Variants in DIS3L2 observed in about 807,000 individuals in gnomAD.
The protein encoded by DIS3L2 is DIS3 like 3'-5' exoribonuclease 2.
Under a neutral mutation model 97.5 loss-of-function variants are expected in DIS3L2, and 34 were observed. The ratio of observed to expected loss-of-function variants is 0.35; its 90% CI spans 0.27 to 0.46. The LOEUF (loss-of-function observed/expected upper bound fraction) is 0.46. Ranked by LOEUF, DIS3L2 falls within the 20% of genes least tolerant of loss-of-function variation. The pLI, the probability that DIS3L2 is intolerant of heterozygous loss-of-function variation, is 1.00. For synonymous variants in DIS3L2, 435 were observed against 445.2 expected, an observed-to-expected ratio of 0.98 and a Z score of 0.29; for missense variants, 1,038 against 1,146.0, an observed-to-expected ratio of 0.91 and a Z score of 1.36.
At chr2:232,100,630 GTTAT>G (rs1239897538) in intron 6 of DIS3L2, among the ~76,000 whole-genome samples, 3 of 151,506 alleles carry the variant, frequency 2.0e-5, no homozygotes, top group Non-Finnish European at 4.4e-5. Flanking sequence ...TTGTAACTAG[GTTAT>G]TTATTAAGGC....
chr2:232,140,817 T>G (rs957805734), intron 8 of DIS3L2, among the ~76,000 whole-genome samples: 11 of 152,300 alleles, frequency 7.2e-5, no homozygotes, highest in African/African-American at 2.4e-4. Flanking sequence ...TAAAGTTATT[T>G]TCTATCTTGT....
chr2:232,159,581 G>A (rs530664334), intron 8 of DIS3L2, among the ~76,000 whole-genome samples: 4 of 152,286 alleles, frequency 2.6e-5, no homozygotes, highest in Admixed American at 2.0e-4. Context: ...TATAGGCAAC[G>A]TGCAATTCTT....
chr2:232,047,416 A>T (rs1305606927), intron 5 of DIS3L2, among the ~76,000 whole-genome samples: 1 of 152,214 alleles, frequency 6.6e-6, no homozygotes, highest in African/African-American at 2.4e-5. Context: ...TATCAGAAAG[A>T]TGAACTGTTT....
chr2:232,334,419 G>T lies in DIS3L2; in HGVS notation c.2209G>T (p.Asp737Tyr), dbSNP rs1298472941. The T allele has an allele frequency of 1.5e-5, 25 of 1,613,692 alleles. No homozygotes were observed. Among genetic ancestry groups the T allele is most frequent in the Non-Finnish European group, 1.9e-5 (23 of 1,180,016 alleles). The stretch of plus-strand genomic sequence containing the variant: ...GCCCGATACCCTGCAGAAACAGGCG[G>T]ACCACTGTAACGACCGCCGCATGGC... ...MAPDTLQKQADHCNDRRMASK... is the reference protein window; with the variant it reads ...MAPDTLQKQAYHCNDRRMASK... Residue 737 changes from aspartate to tyrosine, a missense_variant, in exon 18 of 21, where the codon GAC becomes TAC. Physicochemically the swap from Asp to Tyr is radical, Grantham distance 160. Transcript: ENST00000325385.
At chr2:232,307,130 G>A (rs550350355) in intron 14 of DIS3L2, among the ~76,000 whole-genome samples, 7 of 152,378 alleles carry the variant, frequency 4.6e-5, no homozygotes, top group African/African-American at 1.7e-4. Context: ...TCTTAGCACT[G>A]TGCCTTTCAG....
At chr2:231,993,484 G>A (rs1300672626) in intron 1 of DIS3L2, among the ~76,000 whole-genome samples, 1 of 152,146 alleles carries the variant, frequency 6.6e-6, no homozygotes, top group African/African-American at 2.4e-5. Context: ...AAAGTGCTGG[G>A]ATTACAAGTG....
downstream of DIS3L2, chr2:232,337,252 T>G: frequency 1.1e-6 from 1 of 951,968 alleles, no homozygotes; most frequent in South Asian, 4.9e-5. Flanking sequence ...TGTGACTGTG[T>G]CCAACCCTGC....
chr2:232,300,331 G>T (rs143167084), intron 14 of DIS3L2, among the ~76,000 whole-genome samples: 1 of 152,304 alleles, frequency 6.6e-6, no homozygotes, highest in Non-Finnish European at 1.5e-5. Flanking sequence ...CAGAGGAGCA[G>T]TTGTGGTGTG....
chr2:232,288,774 C>T (rs1050961133), intron 13 of DIS3L2, among the ~76,000 whole-genome samples: 2 of 152,172 alleles, frequency 1.3e-5, no homozygotes, highest in Non-Finnish European at 2.9e-5. Context: ...TTTCATCAGT[C>T]TGTGTTTAAA....
rs544046191 is a variant in DIS3L2, at chr2:231,977,041, G to A, written c.-94+15276G>A. The stretch of plus-strand genomic sequence containing the variant: ...CTCAGCCTCCCACGCCTGGGATTAC[G>A]GGTGTGAGCCACCGCGCCCGGCCAC... On this transcript the variant is annotated intron_variant, in intron 1 of 20. Coordinates refer to ENST00000325385, the MANE Select transcript of DIS3L2 (RefSeq NM_152383.5). Among the ~76,000 whole-genome samples, 19 of 152,168 alleles carry A rather than the reference G, an allele frequency of 1.2e-4. No individual in the cohort carries two copies. The South Asian group carries it at 3.3e-3, about 27-fold the overall frequency.
intron 5 of DIS3L2, among the ~76,000 whole-genome samples, chr2:232,083,002 C>T (rs930888995): frequency 2.0e-5 from 3 of 152,092 alleles, no homozygotes; most frequent in East Asian, 1.9e-4. Context: ...GGGAAACTCC[C>T]CTTTATAAAA....
intron 1 of DIS3L2, among the ~76,000 whole-genome samples, chr2:231,975,429 A>G (rs10168774): frequency 0.47 from 70,733 of 151,732 alleles, 18,126 homozygotes; most frequent in African/African-American, 0.68. Flanking sequence ...TGGGCCGGGC[A>G]CCATGGCTCA....
At chr2:232,048,167 A>G (rs563111342) in intron 5 of DIS3L2, among the ~76,000 whole-genome samples, 1 of 152,308 alleles carries the variant, frequency 6.6e-6, no homozygotes, top group South Asian at 2.1e-4. Context: ...CTGTCCCCAA[A>G]CTTTTCTGAC....
intron 1 of DIS3L2, among the ~76,000 whole-genome samples, chr2:231,977,471 A>G (rs1351122003): frequency 2.6e-5 from 4 of 152,198 alleles, no homozygotes; most frequent in Non-Finnish European, 4.4e-5. Context: ...ACCATACCCA[A>G]AGAGTATCCC....
chr2:231,965,359 G>A (rs1226334552), intron 1 of DIS3L2, among the ~76,000 whole-genome samples: 2 of 152,096 alleles, frequency 1.3e-5, no homozygotes, highest in Non-Finnish European at 2.9e-5. Flanking sequence ...TAAGGAGAGT[G>A]TGTGTGTTTA....
At chr2:232,045,966 C>T (rs993321376) in intron 5 of DIS3L2, among the ~76,000 whole-genome samples, 16 of 152,082 alleles carry the variant, frequency 1.1e-4, no homozygotes, top group East Asian at 7.7e-4. Context: ...TGAGCCACCG[C>T]GCATGGCCAT....
chr2:232,261,205 T>TTTCC (rs1293261429), intron 12 of DIS3L2, among the ~76,000 whole-genome samples: 3 of 152,148 alleles, frequency 2.0e-5, no homozygotes, highest in Non-Finnish European at 2.9e-5. Context: ...TCTCCTGCCC[T>TTTCC]TTCCTTCCTT....
chr2:232,284,429 A>G (rs1694374333), intron 13 of DIS3L2, among the ~76,000 whole-genome samples: 1 of 152,236 alleles, frequency 6.6e-6, no homozygotes, highest in African/African-American at 2.4e-5. Context: ...TGATGTGCTT[A>G]GTATCATCTT....
chr2:232,326,020 T>C (rs1695563120), intron 14 of DIS3L2, among the ~76,000 whole-genome samples: 1 of 152,128 alleles, frequency 6.6e-6, no homozygotes, highest in African/African-American at 2.4e-5. Flanking sequence ...TGGGGGCGTT[T>C]CGGAGGTTTG....
Sources: allele counts gnomAD v4.1 joint callset (sites outside exome capture counted in the v4.1 genomes callset), GRCh38; gene constraint gnomAD v4.1.1; transcripts MANE v1.5; gene names NCBI Gene and HGNC (gene_info 2026-07-23, HGNC 2026-07-21).